Variants in CSMD1 observed in about 807,000 individuals in gnomAD.
CSMD1 encodes the protein CUB and Sushi multiple domains 1.
Under a neutral mutation model 417.5 loss-of-function variants are expected in CSMD1, and 213 were observed. That is an observed-to-expected ratio of 0.51 (90% confidence interval 0.46 to 0.57). The LOEUF (loss-of-function observed/expected upper bound fraction) is 0.57, where lower values mean the gene tolerates loss of function less well. Ranked by LOEUF, CSMD1 falls within the 20% of genes least tolerant of loss-of-function variation. The probability of loss-of-function intolerance (pLI) is 0.00; values close to 1 mark genes in which losing one functional copy is unlikely to be tolerated. For synonymous variants in CSMD1, 2,862 were observed against 1,736.8 expected, an observed-to-expected ratio of 1.65 and a Z score of -16.11; for missense variants, 6,923 against 4,529.7, an observed-to-expected ratio of 1.53 and a Z score of -15.17.
chr8:3,062,708 C>A (rs1812666406), intron 49 of CSMD1, among the ~76,000 whole-genome samples: 1 of 151,760 alleles, frequency 6.6e-6, no homozygotes, highest in Non-Finnish European at 1.5e-5. Flanking sequence ...TTGAAACAGA[C>A]AAAAAAGCTA....
intron 30 of CSMD1, among the ~76,000 whole-genome samples, chr8:3,212,497 A>G (rs1053595475): frequency 1.3e-5 from 2 of 152,022 alleles, no homozygotes; most frequent in Non-Finnish European, 2.9e-5. Context: ...TACAGGCATG[A>G]GCCACCACAT....
chr8:4,201,708 A>C (rs778414357), intron 3 of CSMD1, among the ~76,000 whole-genome samples: 3 of 152,058 alleles, frequency 2.0e-5, no homozygotes, highest in Non-Finnish European at 4.4e-5. Context: ...GAAAATGAAG[A>C]GCTAGGAAAA....
At chr8:4,479,320 G>T (rs1449821370) in intron 2 of CSMD1, among the ~76,000 whole-genome samples, 1 of 152,072 alleles carries the variant, frequency 6.6e-6, no homozygotes, top group Non-Finnish European at 1.5e-5. Flanking sequence ...GTATGAAAAA[G>T]GAATTTTATA....
At chr8:4,573,320 T>C (rs1196316896) in intron 2 of CSMD1, among the ~76,000 whole-genome samples, 1 of 152,208 alleles carries the variant, frequency 6.6e-6, no homozygotes. Context: ...GCATCCTTTT[T>C]GTTAATGTTG....
intron 37 of CSMD1, among the ~76,000 whole-genome samples, chr8:3,179,538 T>C (rs938570998): frequency 6.6e-6 from 1 of 152,184 alleles, no homozygotes; most frequent in South Asian, 2.1e-4. Context: ...ATTATATTGA[T>C]GGGGCTGAAG....
chr8:4,410,794 C>T (rs1228827879), intron 3 of CSMD1, among the ~76,000 whole-genome samples: 1 of 151,950 alleles, frequency 6.6e-6, no homozygotes, highest in Non-Finnish European at 1.5e-5. Flanking sequence ...GTTGAGACTC[C>T]CCTCTGCAAT....
chr8:4,469,847 G>T (rs768711564), intron 2 of CSMD1, among the ~76,000 whole-genome samples: 1 of 151,450 alleles, frequency 6.6e-6, no homozygotes, highest in Non-Finnish European at 1.5e-5. Flanking sequence ...GCACACCTAC[G>T]TGATCTGGCC....
chr8:3,178,315 G>C (rs1447946142), intron 37 of CSMD1, among the ~76,000 whole-genome samples: 7 of 151,992 alleles, frequency 4.6e-5, no homozygotes, highest in African/African-American at 1.2e-4. Context: ...TCCTGAGATA[G>C]AAGTAGATGT....
intron 3 of CSMD1, among the ~76,000 whole-genome samples, chr8:4,191,849 G>A (rs561340410): frequency 2.0e-5 from 3 of 151,612 alleles, no homozygotes; most frequent in South Asian, 4.2e-4. Context: ...AAAATCAACA[G>A]TCAGTTTCCA....
intron 5 of CSMD1, among the ~76,000 whole-genome samples, chr8:3,896,188 G>C (rs973646137): frequency 3.9e-5 from 6 of 152,124 alleles, no homozygotes; most frequent in Admixed American, 2.6e-4. Flanking sequence ...ACATGATCTA[G>C]AGCCCTGTGA....
chr8:4,056,427 C>G (rs544853897), intron 3 of CSMD1, among the ~76,000 whole-genome samples: 3 of 150,724 alleles, frequency 2.0e-5, no homozygotes, highest in Admixed American at 2.0e-4. Context: ...TTGTTTGTGC[C>G]AAACTAACAT....
intron 1 of CSMD1, among the ~76,000 whole-genome samples, chr8:4,958,200 A>G (rs1809248273): frequency 6.6e-6 from 1 of 152,190 alleles, no homozygotes; most frequent in South Asian, 2.1e-4. Flanking sequence ...CTCTGTTTCC[A>G]CATTATATTT....
chr8:4,737,155 C>CA (rs112950889), intron 1 of CSMD1, among the ~76,000 whole-genome samples: 1 of 151,822 alleles, frequency 6.6e-6, no homozygotes, highest in Non-Finnish European at 1.5e-5. Flanking sequence ...TATGCAGCCA[C>CA]AAAAAAAGAA....
In CSMD1 at chr8:3,960,347, C is replaced by A. The variant is rs547002664; in HGVS notation, c.818+37556G>T. Among the ~76,000 whole-genome samples, 10 of 152,252 alleles carry A rather than the reference C, an allele frequency of 6.6e-5. No individual in the cohort carries two copies. In the South Asian group the frequency reaches 2.1e-3, roughly 32 times the overall value. On this transcript the variant is annotated intron_variant, in intron 5 of 69. Transcript: ENST00000635120. ...TTAAACTTTCCAAATGTAATTGACA[C>A]CCTTTCCTCATCACGCTACTACTTA...
At chr8:4,845,571 T>C (rs1443633865) in intron 1 of CSMD1, among the ~76,000 whole-genome samples, 1 of 152,250 alleles carries the variant, frequency 6.6e-6, no homozygotes, top group Non-Finnish European at 1.5e-5. Context: ...TTAGAATTTC[T>C]ATAGTCAACC....
At chr8:3,557,851 C>G (rs577404414) in intron 10 of CSMD1, among the ~76,000 whole-genome samples, 3 of 152,280 alleles carry the variant, frequency 2.0e-5, no homozygotes, top group East Asian at 1.9e-4. Context: ...CCAAAGGTAA[C>G]TTAAGGGTAA....
chr8:3,321,296 C>A (rs1806138100), intron 23 of CSMD1, among the ~76,000 whole-genome samples: 1 of 152,126 alleles, frequency 6.6e-6, no homozygotes, highest in Admixed American at 6.5e-5. Context: ...AAGGATCCTG[C>A]CATCTGGTGA....
At chr8:3,203,569 G>A (rs1016981415) in intron 31 of CSMD1, among the ~76,000 whole-genome samples, 4 of 152,254 alleles carry the variant, frequency 2.6e-5, no homozygotes, top group East Asian at 1.9e-4. Flanking sequence ...AAATGGTGGC[G>A]GGGACAAATG....
intron 2 of CSMD1, among the ~76,000 whole-genome samples, chr8:4,474,065 C>T (rs1280648863): frequency 1.3e-5 from 2 of 152,012 alleles, no homozygotes; most frequent in African/African-American, 2.4e-5. Flanking sequence ...TATATGCAAA[C>T]GTATAATGTA....
Sources: gnomAD v4.1 joint callset for allele counts (sites outside exome capture counted in the v4.1 genomes callset) on GRCh38, gnomAD v4.1.1 for gene constraint, MANE v1.5 for transcripts, NCBI Gene and HGNC (gene_info 2026-07-23, HGNC 2026-07-21) for gene names.